Variants in TSFM observed in about 807,000 individuals in gnomAD.
TSFM encodes elongation factor Ts, mitochondrial.
In TSFM, 29 loss-of-function variants were observed where a neutral mutation model predicts 33.4. The ratio of observed to expected loss-of-function variants is 0.87; its 90% confidence interval spans 0.65 to 1.18. The LOEUF (loss-of-function observed/expected upper bound fraction) is 1.18, where lower values mean the gene tolerates loss of function less well. TSFM is among the 50% of genes most tolerant of loss of function. The probability of loss-of-function intolerance (pLI) is 0.00; values close to 1 mark genes in which losing one functional copy is unlikely to be tolerated. For synonymous variants in TSFM, 178 were observed against 163.5 expected (o/e 1.09, Z -0.68); for missense variants, 394 against 395.6 (o/e 1.00, Z 0.04).
In TSFM at chr12:57,786,295, AGTT is replaced by A. The variant is rs2140417225; in HGVS notation, c.360+9_360+11del. The A allele has an allele frequency of 6.2e-7, 1 of 1,609,400 alleles. No homozygotes were observed. Among genetic ancestry groups the A allele is most frequent in the Non-Finnish European group, 8.5e-7 (1 of 1,177,464 alleles). ...AAACACAACTGTATTAGTAGAGGTG[AGTT>A]GTTGGAAATTCCAGATACCAAGAAC... On this transcript the variant is annotated splice_donor_5th_base_variant and intron_variant, in intron 3 of 5. Coordinates refer to ENST00000652027, the MANE Select transcript of TSFM (RefSeq NM_005726.6).
chr12:57,801,127 G>T (rs752426905), downstream of TSFM: 2 of 1,612,210 alleles, frequency 1.2e-6, no homozygotes, highest in Admixed American at 3.3e-5. Context: ...CTTCTCCCAA[G>T]AGCGAACCCG....
chr12:57,793,257 T>A (rs929896236), intron 5 of TSFM, among the ~76,000 whole-genome samples, 184 bp downstream of exon 5: 1 of 152,018 alleles, frequency 6.6e-6, no homozygotes, highest in African/African-American at 2.4e-5. Context: ...AGACAGAGTC[T>A]TGCTCTGTTG....
rs1450670970 is a variant in TSFM, at chr12:57,787,286, C to T, written c.483+124C>T. ...TCACATCTCTGCTTAAATGCTATCTCTTTGCATAGAATTACCCTTCCCCCG... is the reference window on the plus strand; with the variant it reads ...TCACATCTCTGCTTAAATGCTATCTTTTTGCATAGAATTACCCTTCCCCCG... On this transcript the variant is annotated intron_variant, in intron 4 of 5. Coordinates refer to ENST00000652027, the MANE Select transcript of TSFM (RefSeq NM_005726.6). 8 of 1,028,716 alleles carry T rather than the reference C, an allele frequency of 7.8e-6. No homozygotes were observed. In the African/African-American group the frequency reaches 9.7e-5, roughly 13 times the overall value. 63.7% of individuals were successfully genotyped at this position (1,028,716 alleles called of 1,614,324 possible).
Position 57,796,424 on chromosome 12 carries a change from T to C in TSFM, c.819T>C (p.Asp273=), listed in dbSNP as rs2140429177. ...MAPLSVGSLD[D]EPGGEAETKM... ...CCCTCTCTGTTGGCTCCCTGGACGA[T>C]GAGCCTGGGGGAGAGGCAGAGACTA... The change falls in exon 6 of 6, where the codon GAT becomes GAC. Residue 273 remains aspartate, a synonymous_variant. Coordinates refer to ENST00000652027, the MANE Select transcript of TSFM (RefSeq NM_005726.6). The C allele has an allele frequency of 8.1e-6, 13 of 1,602,906 alleles. No homozygotes were observed. Among genetic ancestry groups the C allele is most frequent in the Non-Finnish European group, 1.1e-5 (13 of 1,174,534 alleles).
At chr12:57,793,172 G>C (rs968855347) in intron 5 of TSFM, 99 bp downstream of exon 5, 10 of 1,016,154 alleles carry the variant, frequency 9.8e-6, no homozygotes, top group Non-Finnish European at 1.5e-5. Flanking sequence ...TGCCTACAAG[G>C]GTCAGATGAT....
intron 3 of TSFM, among the ~76,000 whole-genome samples, chr12:57,786,734 G>T (rs1241696241): frequency 6.6e-6 from 1 of 152,222 alleles, no homozygotes; most frequent in Non-Finnish European, 1.5e-5. Context: ...AGTTGGGATG[G>T]CTGGAGAATG....
In TSFM at chr12:57,782,863, G is replaced by A. The variant is rs1163139605; in HGVS notation, c.57+5G>A. ...GCGCGGACCGGGAGCTACCCGGTGA[G>A]AAGTCCTGGTGCTGGTACCGACCTG... is the stretch of plus-strand genomic sequence containing the variant. On this transcript the variant is annotated splice_donor_5th_base_variant and intron_variant, in intron 1 of 5. Transcript: ENST00000652027. The A allele has an allele frequency of 6.3e-7, 1 of 1,591,638 alleles. No individual in the cohort carries two copies. Among genetic ancestry groups the A allele is most frequent in the Non-Finnish European group, 8.5e-7 (1 of 1,169,916 alleles).
intron 2 of TSFM, chr12:57,783,928 C>A (rs1190775711): frequency 4.3e-6 from 3 of 702,654 alleles, no homozygotes; most frequent in Non-Finnish European, 7.8e-6. Context: ...CTTTAGACAT[C>A]TTAATCTTTC....
In TSFM at chr12:57,796,879, T is replaced by TA; in HGVS notation, c.*297dup. 9.5e-7 allele frequency: 1 copy of TA among 1,048,056 alleles called. No homozygotes were observed. Among genetic ancestry groups the TA allele is most frequent in the African/African-American group, 1.7e-5 (1 of 59,758 alleles). 64.9% of individuals were successfully genotyped at this position (1,048,056 alleles called of 1,614,324 possible). A position where few individuals can be genotyped will look rare whatever the true frequency, so the allele number is the denominator to read the frequency against. Reference sequence around the variant, plus strand: ...TATGGTATTTCTGAAATTTCTAACTTATATGTTCTGTCTTACACCTTTTAT... The same window carrying TA: ...TATGGTATTTCTGAAATTTCTAACTTAATATGTTCTGTCTTACACCTTTTAT... On this transcript the variant is annotated 3_prime_UTR_variant, in exon 6 of 6. Transcript: ENST00000652027.
At chr12:57,802,254 C>T (rs778233552), downstream of TSFM, 12 of 1,614,136 alleles carry the variant, frequency 7.4e-6, no homozygotes, top group South Asian at 7.7e-5. Context: ...GTCGGGATCT[C>T]GGCCGCTGGG....
downstream of TSFM, chr12:57,800,120 C>A: frequency 1.5e-6 from 1 of 657,690 alleles, no homozygotes. Context: ...TGGGGTTGTT[C>A]TTGGGAAAGC....
downstream of TSFM, chr12:57,802,129 A>G: frequency 1.9e-6 from 3 of 1,609,848 alleles, no homozygotes; most frequent in Non-Finnish European, 2.5e-6. Flanking sequence ...ACCTGGCAGG[A>G]AGTTAGAGCT....
At chr12:57,801,583 T>C (rs937920852), downstream of TSFM, among the ~76,000 whole-genome samples, 1 of 151,852 alleles carries the variant, frequency 6.6e-6, no homozygotes, top group African/African-American at 2.4e-5. Flanking sequence ...CTACTAAAAA[T>C]AGAAAAATTA....
downstream of TSFM, chr12:57,801,416 C>T (rs1358315350): frequency 2.3e-6 from 1 of 438,134 alleles, no homozygotes; most frequent in Non-Finnish European, 4.2e-6. Flanking sequence ...TTGATGGTAA[C>T]CCCTCAGTCC....
rs1215707564 is a variant in TSFM at position 57,796,734 on chromosome 12, C to A, written c.*151C>A. ...ATAAAAATAATTTTTTCCTTGTTTG[C>A]GTAATACTGGATTTAGCTTTTCTGT... On this transcript the variant is annotated 3_prime_UTR_variant, in exon 6 of 6. Coordinates refer to ENST00000652027, the MANE Select transcript of TSFM (RefSeq NM_005726.6). 1.6e-6 allele frequency: 2 copies of A among 1,233,086 alleles called. No homozygotes were observed. The highest frequency in any genetic ancestry group is 1.6e-5 in the African/African-American group (1 of 64,462). The allele number at this position is 1,233,086 out of a possible 1,614,324, so 76.4% of individuals were successfully genotyped here. A position where few individuals can be genotyped will look rare whatever the true frequency, so the allele number is the denominator to read the frequency against.
intron 4 of TSFM, 91 bp from the exon 5 acceptor site, chr12:57,792,895 A>G (rs968417710): frequency 1.5e-6 from 2 of 1,329,920 alleles, no homozygotes; most frequent in Non-Finnish European, 2.1e-6. Context: ...CCTGGCCAAT[A>G]CTTTTCTTAG....
rs373942098 is a variant in TSFM at position 57,796,522 on chromosome 12, C to T, written c.917C>T (p.Ser306Leu). The change falls in exon 6 of 6, where the codon TCG (serine) becomes TTG (leucine). Residue 306 changes from serine to leucine, a missense_variant. By Grantham distance (145) the Ser-to-Leu change is moderately radical. Transcript: ENST00000652027. ...CAGTATGTGCAGCCTCAGGGGGTGT[C>T]GGTAGTAGACTTTGTGCGGTTTGAA... Reference protein sequence around the residue: ...LGQYVQPQGVSVVDFVRFECG... With the variant: ...LGQYVQPQGVLVVDFVRFECG... 3.1e-5 allele frequency: 46 copies of T among 1,495,352 alleles called. No homozygotes were observed. The East Asian group carries it at 4.6e-4, about 15-fold the overall frequency. 92.6% of individuals were successfully genotyped at this position (1,495,352 alleles called of 1,614,324 possible).
intron 4 of TSFM, among the ~76,000 whole-genome samples, chr12:57,789,392 G>C (rs570111289): frequency 1.3e-5 from 2 of 152,182 alleles, no homozygotes; most frequent in African/African-American, 4.8e-5. Context: ...TCACATTTAG[G>C]ATTTTTTTTT....
chr12:57,796,293 G>A lies in TSFM; in HGVS notation c.688G>A (p.Val230Met), dbSNP rs151248026. The change falls in exon 6 of 6, where the codon GTG (valine) becomes ATG (methionine). Residue 230 changes from valine to methionine, a missense_variant. Val to Met is a conservative substitution (Grantham distance 21, BLOSUM62 1). Around this residue, in one of 3 missense-constraint regions of TSFM, gnomAD observed 186 missense variants for 198.8 expected, o/e 0.94. Transcript: ENST00000652027. Reference protein sequence around the residue: ...AMQSPSLHKLVLGKYGALVIC... With the variant: ...AMQSPSLHKLMLGKYGALVIC... ...GCAGAGTCCCTCACTTCACAAGCTG[G>A]TGCTGGGGAAGTATGGGGCCCTGGT... 1.9e-6 allele frequency: 3 copies of A among 1,612,450 alleles called. No individual in the cohort carries two copies. Among genetic ancestry groups the A allele is most frequent in the Non-Finnish European group, 1.7e-6 (2 of 1,179,290 alleles).
Sources: allele counts gnomAD v4.1 joint callset (sites outside exome capture counted in the v4.1 genomes callset), GRCh38; gene constraint gnomAD v4.1.1; regional missense constraint gnomAD v4.1.1; transcripts MANE v1.5; gene names NCBI Gene and HGNC (gene_info 2026-07-23, HGNC 2026-07-21).